CMSS1: variants seen among roughly 807,000 people sequenced by gnomAD.
CMSS1 encodes the protein cms1 ribosomal small subunit homolog.
CMSS1 carries 33 observed loss-of-function variants against 43.5 expected under a neutral mutation model. The observed-to-expected ratio is 0.76, with a 90% CI of 0.57 to 1.01. CMSS1 has a LOEUF of 1.01. Ranked by LOEUF, CMSS1 falls within the 50% of genes least tolerant of loss-of-function variation. The pLI is 0.00. For missense variants in CMSS1, 313 were observed against 326.4 expected, an observed-to-expected ratio of 0.96 and a Z score of 0.32; for synonymous variants, 115 against 117.2, an observed-to-expected ratio of 0.98 and a Z score of 0.12.
chr3:100,053,052 T>A (rs1029667343), intron 1 of CMSS1, among the ~76,000 whole-genome samples: 4 of 152,308 alleles, frequency 2.6e-5, no homozygotes, highest in Non-Finnish European at 5.9e-5. Context: ...ATTTCTATTC[T>A]CTCCTGAAAC....
chr3:99,968,429 G>GA (rs1201793323), intron 1 of CMSS1, among the ~76,000 whole-genome samples: 24 of 148,596 alleles, frequency 1.6e-4, no homozygotes, highest in Admixed American at 8.7e-4. Context: ...GTTTTTGGGG[G>GA]AAAAAAAAAA....
rs567192238 is a variant in CMSS1, at chr3:100,057,106, G to T, written c.65-89867G>T. Among the ~76,000 whole-genome samples the T allele has an allele frequency of 5.7e-3, 875 of 152,318 alleles. 6 individuals carry two copies. Among genetic ancestry groups the T allele is most frequent in the Non-Finnish European group, 9.8e-3 (666 of 68,030 alleles). ...TCAGGGCAGGAGATTTTAATGGAAA[G>T]TCCTGGACCTGCAGTCAGAGAAGCT... On this transcript the variant is annotated intron_variant, in intron 1 of 9. Coordinates refer to ENST00000421999, the MANE Select transcript of CMSS1 (RefSeq NM_032359.4).
At chr3:99,834,854 C>G (rs1429396208) in intron 1 of CMSS1, among the ~76,000 whole-genome samples, 1 of 152,138 alleles carries the variant, frequency 6.6e-6, no homozygotes, top group Non-Finnish European at 1.5e-5. Flanking sequence ...AAACACTTTA[C>G]CCATGTAAAC....
intron 1 of CMSS1, chr3:99,876,163 C>T: frequency 1.0e-6 from 1 of 985,678 alleles, no homozygotes; most frequent in Non-Finnish European, 1.2e-6. Flanking sequence ...CGAGAGTCGC[C>T]CGAACAATGC....
intron 1 of CMSS1, among the ~76,000 whole-genome samples, chr3:100,015,031 A>T (rs1193099764): frequency 6.9e-6 from 1 of 144,838 alleles, no homozygotes; most frequent in East Asian, 2.1e-4. Flanking sequence ...TTCAGGTTTT[A>T]CATTTAAGGC....
Position 100,178,453 on chromosome 3 carries a change from T to A in CMSS1, c.*65T>A. On this transcript the variant is annotated 3_prime_UTR_variant, in exon 10 of 10. Transcript: ENST00000421999. The stretch of plus-strand genomic sequence containing the variant: ...GTTGCATCTTATTTAATGACTCTGA[T>A]ACATTGCAAGCACTCAGTAAATATC... 2.0e-6 allele frequency: 2 copies of A among 976,410 alleles called. No homozygotes were observed. Among genetic ancestry groups the A allele is most frequent in the Non-Finnish European group, 3.3e-6 (2 of 615,332 alleles). The allele number at this position is 976,410 out of a possible 1,614,324, so 60.5% of individuals were successfully genotyped here.
At chr3:100,063,643 T>C (rs979544742) in intron 1 of CMSS1, among the ~76,000 whole-genome samples, 1 of 152,238 alleles carries the variant, frequency 6.6e-6, no homozygotes, top group African/African-American at 2.4e-5. Context: ...TATTTTAATC[T>C]GGGGACTTGA....
chr3:99,890,455 T>C (rs1160603159), intron 1 of CMSS1, among the ~76,000 whole-genome samples: 1 of 152,092 alleles, frequency 6.6e-6, no homozygotes, highest in East Asian at 1.9e-4. Context: ...TTCTGAACAG[T>C]TTTTTCTCTC....
Position 100,178,297 on chromosome 3 carries a change from T to C in CMSS1, c.757-8T>C. ...TAATCTTTTTTTCCCCCCTTTTCTC[T>C]CATTTAGATAAGAAAGGAGGTATTC... On this transcript the variant is annotated splice_region_variant and splice_polypyrimidine_tract_variant and intron_variant, in intron 9 of 9. Transcript: ENST00000421999. 1.3e-6 allele frequency: 2 copies of C among 1,588,724 alleles called. No homozygotes were observed. The highest frequency in any genetic ancestry group is 1.7e-6 in the Non-Finnish European group (2 of 1,157,748).
intron 1 of CMSS1, among the ~76,000 whole-genome samples, chr3:99,894,693 G>A (rs142337074): frequency 2.0e-5 from 3 of 152,250 alleles, no homozygotes; most frequent in African/African-American, 7.2e-5. Context: ...TATTAATTAT[G>A]GAGTTGATTC....
chr3:100,018,880 T>C (rs1710421760), intron 1 of CMSS1, among the ~76,000 whole-genome samples: 1 of 151,982 alleles, frequency 6.6e-6, no homozygotes, highest in African/African-American at 2.4e-5. Context: ...CATTAAAAAA[T>C]TGTCAAAGGC....
At chr3:99,900,816 C>T (rs529835232) in intron 1 of CMSS1, among the ~76,000 whole-genome samples, 3 of 152,288 alleles carry the variant, frequency 2.0e-5, no homozygotes, top group South Asian at 4.1e-4. Flanking sequence ...TGATGTGCCC[C>T]GGTTATCAGG....
intron 1 of CMSS1, among the ~76,000 whole-genome samples, chr3:100,006,022 G>A (rs376071446): frequency 1.1e-3 from 167 of 152,276 alleles, no homozygotes; most frequent in Middle Eastern, 3.4e-3. Context: ...AGTTTGATAG[G>A]AAGTGGGATA....
intron 1 of CMSS1, among the ~76,000 whole-genome samples, chr3:99,839,791 C>T (rs187328582): frequency 2.2e-4 from 33 of 152,278 alleles, no homozygotes; most frequent in Admixed American, 1.2e-3. Flanking sequence ...CAAAACTCTT[C>T]AGTATAGGTT....
intron 1 of CMSS1, among the ~76,000 whole-genome samples, chr3:99,864,277 G>T (rs1456250893): frequency 6.6e-6 from 1 of 152,058 alleles, no homozygotes. Context: ...CATCATTATG[G>T]TGGCCCTGGA....
intron 1 of CMSS1, among the ~76,000 whole-genome samples, chr3:99,871,394 C>G (rs1360871847): frequency 6.6e-6 from 1 of 152,154 alleles, no homozygotes; most frequent in Non-Finnish European, 1.5e-5. Flanking sequence ...AGCAACACAC[C>G]TACTAATTGT....
chr3:99,972,683 G>A (rs745387494), intron 1 of CMSS1, among the ~76,000 whole-genome samples: 2 of 152,172 alleles, frequency 1.3e-5, no homozygotes, highest in African/African-American at 2.4e-5. Flanking sequence ...GAAGGCATGG[G>A]CAAAGCCAAG....
At position 99,839,056 on chromosome 3, in the gene CMSS1, C is replaced by T. The variant is rs563689114; in HGVS notation, c.64+21013C>T. 1.4e-4 allele frequency among the ~76,000 whole-genome samples: 21 copies of T among 152,256 alleles called. No homozygotes were observed. In the South Asian group the frequency reaches 4.4e-3, roughly 32 times the overall value. The stretch of plus-strand genomic sequence containing the variant: ...CCTCCTGCCTGCCCCCACACCTTTA[C>T]CTTGTGGGCACCTCTTTGGAGCACC... On this transcript the variant is annotated intron_variant, in intron 1 of 9. Transcript: ENST00000421999.
chr3:99,956,920 G>A (rs1464343980), intron 1 of CMSS1, among the ~76,000 whole-genome samples: 1 of 151,986 alleles, frequency 6.6e-6, no homozygotes, highest in Non-Finnish European at 1.5e-5. Context: ...CCTCACCAAT[G>A]GCTTCCTAAT....
Sources: allele counts gnomAD v4.1 joint callset (sites outside exome capture counted in the v4.1 genomes callset), GRCh38; gene constraint gnomAD v4.1.1; transcripts MANE v1.5; gene names NCBI Gene and HGNC (gene_info 2026-07-23, HGNC 2026-07-21).